Variants in PIEZO1 observed in about 807,000 individuals in gnomAD.
The protein encoded by PIEZO1 is piezo-type mechanosensitive ion channel component 1.
A neutral mutation model predicts 297.2 loss-of-function variants in PIEZO1; 296 were observed. The observed-to-expected ratio is 1.00, with a 90% CI of 0.91 to 1.10. PIEZO1 has a LOEUF of 1.10. Ranked by LOEUF, PIEZO1 falls within the 50% of genes least tolerant of loss-of-function variation. PIEZO1 has a pLI of 0.00. For missense variants in PIEZO1, 5,018 were observed against 3,455.5 expected, an observed-to-expected ratio of 1.45 and a Z score of -11.34; for synonymous variants, 2,427 against 1,507.5, an observed-to-expected ratio of 1.61 and a Z score of -14.13.
chr16:88,734,686 G>C lies in PIEZO1; in HGVS notation c.1961C>G (p.Ala654Gly). 1 of 1,550,368 alleles carries C rather than the reference G, an allele frequency of 6.5e-7. No individual in the cohort carries two copies. The highest frequency in any genetic ancestry group is 1.2e-5 in the South Asian group (1 of 84,068). ...GAAGCCAGTGAGGTTGCGCCAGTAG[G>C]CAGGGAAGTCCTGGAACTGGAAGGT... Reference protein sequence around the residue: ...VYTFQFQDFPAYWRNLTGFTD... With the variant: ...VYTFQFQDFPGYWRNLTGFTD... Residue 654 changes from alanine (A) to glycine (G), a missense_variant, in exon 15 of 51, where the codon GCC becomes GGC. Ala to Gly is a moderately conservative substitution (Grantham distance 60). Coordinates refer to ENST00000301015, the MANE Select transcript of PIEZO1 (RefSeq NM_001142864.4).
chr16:88,720,713 C>G lies in PIEZO1; in HGVS notation c.5704G>C (p.Glu1902Gln). 1.3e-6 allele frequency: 2 copies of G among 1,530,464 alleles called. No individual in the cohort carries two copies. Among genetic ancestry groups the G allele is most frequent in the Non-Finnish European group, 1.8e-6 (2 of 1,138,550 alleles). 94.8% of individuals were successfully genotyped at this position (1,530,464 alleles called of 1,614,324 possible). Residue 1902 changes from glutamate (E) to glutamine (Q), a missense_variant, in exon 40 of 51, where the codon GAG becomes CAG. Coordinates refer to ENST00000301015, the MANE Select transcript of PIEZO1 (RefSeq NM_001142864.4). Reference protein sequence around the residue: ...EDREEEEGEEEKEAPTGREKR... With the variant: ...EDREEEEGEEQKEAPTGREKR... ...TCTCTCCCCGTGGGGGCCTCTTTCTCTTCCTCCCCCTCTTCTTCCTCCCTG... is the reference window on the plus strand; with the variant it reads ...TCTCTCCCCGTGGGGGCCTCTTTCTGTTCCTCCCCCTCTTCTTCCTCCCTG...
intron 3 of PIEZO1, 42 bp downstream of exon 3, chr16:88,742,258 C>A (rs1475522209): frequency 1.3e-6 from 2 of 1,519,382 alleles, no homozygotes; most frequent in Non-Finnish European, 8.8e-7. Flanking sequence ...TCTCCCTGAC[C>A]CCCAGGATGG....
chr16:88,781,084 G>C (rs983190556), intron 1 of PIEZO1, among the ~76,000 whole-genome samples: 2 of 152,254 alleles, frequency 1.3e-5, no homozygotes, highest in Non-Finnish European at 2.9e-5. Flanking sequence ...TGCAAGATGC[G>C]GCTCTCACTG....
chr16:88,741,486 G>T lies in PIEZO1; in HGVS notation c.457C>A (p.Arg153=), dbSNP rs769998212. ...ARNTRQSPHP[R]ELDDDERDVD... ...GACGCAGCTGCCCTCACCAGCTCCC[G>T]TGGATGTGGGCTCTGCCGGGTGTTC... Residue 153 remains arginine, a synonymous_variant, in exon 5 of 51, where the codon CGG becomes AGG. Coordinates refer to ENST00000301015, the MANE Select transcript of PIEZO1 (RefSeq NM_001142864.4). The T allele has an allele frequency of 6.5e-7, 1 of 1,535,046 alleles. No homozygotes were observed. Among genetic ancestry groups the T allele is most frequent in the East Asian group, 2.4e-5 (1 of 40,900 alleles).
At chr16:88,784,467 G>A (rs1463049838) in intron 1 of PIEZO1, among the ~76,000 whole-genome samples, 1 of 151,838 alleles carries the variant, frequency 6.6e-6, no homozygotes, top group Non-Finnish European at 1.5e-5. Flanking sequence ...AGATTGTCAG[G>A]AAGTCCTGAT....
At chr16:88,780,645 C>T (rs937973666) in intron 1 of PIEZO1, among the ~76,000 whole-genome samples, 24 of 152,220 alleles carry the variant, frequency 1.6e-4, no homozygotes, top group Admixed American at 1.1e-3. Flanking sequence ...GAAGAAAAAG[C>T]TTATATAAAC....
intron 1 of PIEZO1, among the ~76,000 whole-genome samples, chr16:88,783,965 T>A (rs1567492873): frequency 6.6e-6 from 1 of 152,192 alleles, no homozygotes; most frequent in Non-Finnish European, 1.5e-5. Flanking sequence ...ATGCAAACCG[T>A]CCCACTTGTC....
At chr16:88,720,569 G>GCCGCCC in intron 40 of PIEZO1, 37 bp from the exon 41 acceptor site, 1 of 1,216,676 alleles carries the variant, frequency 8.2e-7, no homozygotes, top group Non-Finnish European at 1.1e-6. Flanking sequence ...CCCAGTACCC[G>GCCGCCC]CCTCCCCACC....
chr16:88,720,884 A>C, intron 39 of PIEZO1, 136 bp from the exon 40 acceptor site: 1 of 1,087,238 alleles, frequency 9.2e-7, no homozygotes, highest in Non-Finnish European at 1.3e-6. Flanking sequence ...TCCCAGTGTC[A>C]CTGGCAAGGA....
chr16:88,722,595 C>T lies in PIEZO1; in HGVS notation c.4763G>A (p.Ser1588Asn), dbSNP rs1904288077. The T allele has an allele frequency of 2.6e-6, 4 of 1,535,952 alleles. No individual in the cohort carries two copies. The highest frequency in any genetic ancestry group is 4.0e-5 in the Admixed American group (2 of 50,482). ...PGPTEAPNAP[S>N]TVSSGLGAEE... ...CCCCCGCACCTACCTGGACACGGTG[C>T]TTGGGGCATTGGGGGCCTCGGTGGG... The change falls in exon 35 of 51, where the codon AGC becomes AAC. Residue 1588 changes from serine to asparagine, a missense_variant. Ser to Asn is a conservative substitution (Grantham distance 46). Coordinates refer to ENST00000301015, the MANE Select transcript of PIEZO1 (RefSeq NM_001142864.4).
Position 88,734,950 on chromosome 16 carries a change from G to C in PIEZO1, c.1773C>G (p.Val591=). 1 of 1,550,516 alleles carries C rather than the reference G, an allele frequency of 6.4e-7. No homozygotes were observed. Among genetic ancestry groups the C allele is most frequent in the Admixed American group, 2.0e-5 (1 of 51,018 alleles). ...IYVCAGMFIV[V]SFAGRLVVYK... is the part of the protein sequence containing the mutation. The stretch of plus-strand genomic sequence containing the variant: ...AGACCACGAGGCGGCCGGCGAAGCT[G>C]ACCACGATGAACATGCCAGCACACA... The change falls in exon 14 of 51, where the codon GTC becomes GTG. Residue 591 remains valine (V), a synonymous_variant. Transcript: ENST00000301015.
Position 88,738,003 on chromosome 16 carries a change from G to A in PIEZO1, c.951C>T (p.Gly317=), listed in dbSNP as rs995940562. 1.2e-5 allele frequency: 18 copies of A among 1,535,300 alleles called. No homozygotes were observed. Among genetic ancestry groups the A allele is most frequent in the East Asian group, 2.4e-5 (1 of 40,928 alleles). The change falls in exon 8 of 51, where the codon GGC becomes GGT. Residue 317 remains glycine, a synonymous_variant. Transcript: ENST00000301015. The part of the protein sequence containing the change: ...GLDWPVYASP[G]VLLLLCYATA... ...TGGCGTAGCACAGCAGCAGGAGGAC[G>A]CCGGGGCTGGCATACACAGGCCAGT...
intron 1 of PIEZO1, among the ~76,000 whole-genome samples, chr16:88,770,778 G>A (rs531570139): frequency 1.2e-4 from 19 of 152,232 alleles, no homozygotes; most frequent in Non-Finnish European, 2.5e-4. Flanking sequence ...CGGGCCAGGC[G>A]TCCTCCACTG....
At position 88,734,038 on chromosome 16, in the gene PIEZO1, C is replaced by G; in HGVS notation, c.2197G>C (p.Gly733Arg). The G allele has an allele frequency of 6.5e-7, 1 of 1,531,490 alleles. No individual in the cohort carries two copies. Among genetic ancestry groups the G allele is most frequent in the Non-Finnish European group, 8.8e-7 (1 of 1,135,776 alleles). 94.9% of individuals were successfully genotyped at this position (1,531,490 alleles called of 1,614,324 possible). ...TGCTCCTCCCGCAGCAGTGGGGTCC[C>G]ACTCACTGCATCCTGCCTGGGAGAG... Reference protein sequence around the residue: ...RWAHRQDAVSGTPLLREEQQE... With the variant: ...RWAHRQDAVSRTPLLREEQQE... Residue 733 changes from glycine to arginine, a missense_variant, in exon 17 of 51, where the codon GGG (glycine) becomes CGG (arginine). Physicochemically the swap from Gly to Arg is moderately radical, Grantham distance 125 (BLOSUM62 -2). Transcript: ENST00000301015.
chr16:88,736,129 TGTG>T lies in PIEZO1; in HGVS notation c.1557+16_1557+18del. The T allele has an allele frequency of 1.3e-6, 2 of 1,530,922 alleles. No homozygotes were observed. The highest frequency in any genetic ancestry group is 1.8e-6 in the Non-Finnish European group (2 of 1,134,476). 94.8% of individuals were successfully genotyped at this position (1,530,922 alleles called of 1,614,324 possible). On this transcript the variant is annotated intron_variant, in intron 12 of 50. Coordinates refer to ENST00000301015, the MANE Select transcript of PIEZO1 (RefSeq NM_001142864.4). ...GTCTGCGCACCCAGGCACCCCCGGA[TGTG>T]GTGGTGCACACTCACCATGGCACCA...
intron 22 of PIEZO1, among the ~76,000 whole-genome samples, chr16:88,728,249 C>T (rs1016372336): frequency 1.3e-5 from 2 of 152,268 alleles, no homozygotes; most frequent in African/African-American, 2.4e-5. Flanking sequence ...GTGGCACTGC[C>T]GGCCCCCGGC....
chr16:88,763,402 G>A (rs148018905), intron 1 of PIEZO1, among the ~76,000 whole-genome samples: 28 of 152,322 alleles, frequency 1.8e-4, no homozygotes, highest in African/African-American at 6.0e-4. Flanking sequence ...CAGTGGGCCA[G>A]GTATGGTGAC....
In PIEZO1 at chr16:88,721,334, G is replaced by A. The variant is rs1185083538; in HGVS notation, c.5500C>T (p.Pro1834Ser). The A allele has an allele frequency of 1.3e-6, 2 of 1,547,516 alleles. No homozygotes were observed. Among genetic ancestry groups the A allele is most frequent in the Non-Finnish European group, 1.7e-6 (2 of 1,146,874 alleles). Residue 1834 changes from proline to serine, a missense_variant, in exon 39 of 51, where the codon CCT becomes TCT. By Grantham distance (74) the Pro-to-Ser change is moderately conservative. Coordinates refer to ENST00000301015, the MANE Select transcript of PIEZO1 (RefSeq NM_001142864.4). ...ATGTGGTCTTCGGTGGTGGCCGCAG[G>A]CACCCCTGGCCCCTCCTCGGCTCCC... is the stretch of plus-strand genomic sequence containing the variant. ...EQGAEEGPGVPAATTEDHIQV... is the reference protein window; with the variant it reads ...EQGAEEGPGVSAATTEDHIQV...
chr16:88,737,900 C>G (rs1315395572), intron 8 of PIEZO1, 34 bp downstream of exon 8: 4 of 1,531,640 alleles, frequency 2.6e-6, no homozygotes, highest in Non-Finnish European at 8.7e-7. Context: ...ATGGCCTGGC[C>G]TCAGCCCACC....
Sources: allele counts gnomAD v4.1 joint callset (sites outside exome capture counted in the v4.1 genomes callset), GRCh38; gene constraint gnomAD v4.1.1; transcripts MANE v1.5; gene names NCBI Gene and HGNC (gene_info 2026-07-23, HGNC 2026-07-21).